The following USP3 variants were observed in gnomAD, a reference collection of about 807,000 sequenced individuals.
USP3 encodes the protein ubiquitin carboxyl-terminal hydrolase 3.
Under a neutral mutation model 72.3 loss-of-function variants are expected in USP3, and 20 were observed. The ratio of observed to expected loss-of-function variants is 0.28; its 90% CI spans 0.19 to 0.40. The LOEUF (loss-of-function observed/expected upper bound fraction) is 0.40, where lower values mean the gene tolerates loss of function less well. Ranked by LOEUF, USP3 falls within the 10% of genes least tolerant of loss-of-function variation. The pLI, the probability that USP3 is intolerant of heterozygous loss-of-function variation, is 1.00. For synonymous variants in USP3, 222 were observed against 225.3 expected (o/e 0.99, Z 0.13); for missense variants, 479 against 633.9 (o/e 0.76, Z 2.62).
At chr15:63,578,654 T>C (rs2066906529) in intron 11 of USP3, among the ~76,000 whole-genome samples, 1 of 151,408 alleles carries the variant, frequency 6.6e-6, no homozygotes, top group Admixed American at 6.6e-5. Flanking sequence ...AAATGTTAAC[T>C]TGATGACAAT....
At chr15:63,521,163 G>C (rs976276540) in intron 1 of USP3, among the ~76,000 whole-genome samples, 2 of 126,814 alleles carry the variant, frequency 1.6e-5, no homozygotes, top group African/African-American at 5.9e-5. Flanking sequence ...TTTTCATTTA[G>C]CTGTATATCC....
In USP3 at chr15:63,547,888, G is replaced by GAGAGAGAGAGAGAGAGGCAT. The variant is rs1555446525; in HGVS notation, c.285-5819_285-5818insAGAGAGAGGCATAGAGAGAG. On this transcript the variant is annotated intron_variant, in intron 3 of 14. Transcript: ENST00000380324. ...GCATAGAGAGAGAGAGAGAGAGAGA[G>GAGAGAGAGAGAGAGAGGCAT]AGAGAGAGGCATAGAGAGAGGCATA... Among the ~76,000 whole-genome samples, 477 of 73,300 alleles carry GAGAGAGAGAGAGAGAGGCAT rather than the reference G, an allele frequency of 6.5e-3. 119 individuals are homozygous for GAGAGAGAGAGAGAGAGGCAT. Among genetic ancestry groups the GAGAGAGAGAGAGAGAGGCAT allele is most frequent in the South Asian group, 0.012 (28 of 2,358 alleles). The allele number at this position is 73,300 out of a possible 152,430, so 48.1% of individuals were successfully genotyped here. A position where few individuals can be genotyped will look rare whatever the true frequency, so the allele number is the denominator to read the frequency against.
intron 11 of USP3, among the ~76,000 whole-genome samples, chr15:63,584,406 G>A (rs999842216): frequency 6.6e-6 from 1 of 152,060 alleles, no homozygotes; most frequent in Non-Finnish European, 1.5e-5. Flanking sequence ...CCGGTACAAA[G>A]GTTTTAATTT....
chr15:63,505,028 G>A (rs866325473), intron 1 of USP3, among the ~76,000 whole-genome samples, 198 bp downstream of exon 1: 5 of 150,626 alleles, frequency 3.3e-5, no homozygotes, highest in African/African-American at 1.2e-4. Context: ...CCCGAGGCCC[G>A]ACGGCCGGGC....
chr15:63,562,206 G>GT (rs138916981), intron 7 of USP3, among the ~76,000 whole-genome samples: 3 of 152,140 alleles, frequency 2.0e-5, no homozygotes, highest in Non-Finnish European at 2.9e-5. Context: ...GACACACTCA[G>GT]TTTTTTATTG....
At chr15:63,513,849 GA>G (rs753741995) in intron 1 of USP3, among the ~76,000 whole-genome samples, 1 of 152,154 alleles carries the variant, frequency 6.6e-6, no homozygotes, top group Non-Finnish European at 1.5e-5. Flanking sequence ...TGACATGTTA[GA>G]AAAATGTTCT....
chr15:63,550,034 G>A lies in USP3; in HGVS notation c.285-3681G>A, dbSNP rs534501269. Among the ~76,000 whole-genome samples, 3 of 152,322 alleles carry A rather than the reference G, an allele frequency of 2.0e-5. No individual in the cohort carries two copies. The South Asian group carries it at 6.2e-4, about 32-fold the overall frequency. On this transcript the variant is annotated intron_variant, in intron 3 of 14. Coordinates refer to ENST00000380324, the MANE Select transcript of USP3 (RefSeq NM_006537.4). ...AACAATTTTTGGGTCTTTTTGAGAC[G>A]TAGTCTAGCTCTTTTGCCAGGCTGG... is the stretch of plus-strand genomic sequence containing the variant.
chr15:63,558,569 T>C (rs2152672109), intron 6 of USP3, among the ~76,000 whole-genome samples: 1 of 147,846 alleles, frequency 6.8e-6, no homozygotes, highest in East Asian at 2.1e-4. Context: ...CCCCCCGCTC[T>C]TTATTAAAAC....
At chr15:63,577,706 C>T (rs1020503075) in intron 11 of USP3, among the ~76,000 whole-genome samples, 1 of 152,124 alleles carries the variant, frequency 6.6e-6, no homozygotes, top group South Asian at 2.1e-4. Flanking sequence ...GAGCTGAAAT[C>T]GTGCAACCGC....
At chr15:63,559,133 T>C (rs1363487487) in intron 6 of USP3, among the ~76,000 whole-genome samples, 2 of 152,170 alleles carry the variant, frequency 1.3e-5, no homozygotes, top group African/African-American at 4.8e-5. Context: ...TATAAATAAC[T>C]CCCAGAAGCT....
chr15:63,548,197 A>C (rs1384337029), intron 3 of USP3, among the ~76,000 whole-genome samples: 2 of 149,138 alleles, frequency 1.3e-5, no homozygotes, highest in Non-Finnish European at 3.0e-5. Context: ...TGATGTGATC[A>C]CAGCTCACTG....
chr15:63,590,631 C>T lies in USP3; in HGVS notation c.1398-30C>T, dbSNP rs1171563975. ...AGGTCTTTTTGTGATTTCTGAGGTT[C>T]TTTTTTCCTTTGGTCTTTTGCCTTT... On this transcript the variant is annotated intron_variant, in intron 14 of 14. Coordinates refer to ENST00000380324, the MANE Select transcript of USP3 (RefSeq NM_006537.4). 4 of 1,508,278 alleles carry T rather than the reference C, an allele frequency of 2.7e-6. No individual in the cohort carries two copies. In the East Asian group the frequency reaches 7.2e-5, roughly 27 times the overall value. 93.4% of individuals were successfully genotyped at this position (1,508,278 alleles called of 1,614,324 possible).
chr15:63,510,334 TTTTC>T (rs780199699), intron 1 of USP3, among the ~76,000 whole-genome samples: 93 of 152,168 alleles, frequency 6.1e-4, no homozygotes, highest in Non-Finnish European at 1.2e-3. Flanking sequence ...TGCTCGTTTT[TTTTC>T]TTTTTGAGCT....
At chr15:63,546,218 C>A (rs958287296) in intron 3 of USP3, among the ~76,000 whole-genome samples, 3 of 152,130 alleles carry the variant, frequency 2.0e-5, no homozygotes, top group African/African-American at 7.2e-5. Flanking sequence ...CTGTCAGTTT[C>A]TCAGTGCCAG....
In USP3 at chr15:63,574,499, T is replaced by G; in HGVS notation, c.1096+96T>G. 1.1e-6 allele frequency: 1 copy of G among 910,002 alleles called. No homozygotes were observed. The highest frequency in any genetic ancestry group is 2.9e-5 in the East Asian group (1 of 33,930). 56.4% of individuals were successfully genotyped at this position (910,002 alleles called of 1,614,324 possible). ...ATGTGGTATCTTTAATTAATATCTTTAATGAATCTGTGTTGTAACTTAACA... is the reference window on the plus strand; with the variant it reads ...ATGTGGTATCTTTAATTAATATCTTGAATGAATCTGTGTTGTAACTTAACA... On this transcript the variant is annotated intron_variant, in intron 11 of 14. Transcript: ENST00000380324. The surrounding 1 kb of genome is among the most constrained non-coding windows in gnomAD (Gnocchi z 4.6).
chr15:63,506,810 A>G (rs2065719244), intron 1 of USP3, among the ~76,000 whole-genome samples: 1 of 152,254 alleles, frequency 6.6e-6, no homozygotes, highest in Admixed American at 6.5e-5. Flanking sequence ...TAGCTTTGCA[A>G]GCCTGGGTCT....
rs144078988 is a variant in USP3, at chr15:63,566,484, T to C, written c.761+3476T>C. Reference sequence around the variant, plus strand: ...CGTGCCACCATACCTGGCTAATTTTTTTGTATTTTTAATAGAGACGGGATT... The same window carrying C: ...CGTGCCACCATACCTGGCTAATTTTCTTGTATTTTTAATAGAGACGGGATT... On this transcript the variant is annotated intron_variant, in intron 8 of 14. Coordinates refer to ENST00000380324, the MANE Select transcript of USP3 (RefSeq NM_006537.4). Among the ~76,000 whole-genome samples the C allele has an allele frequency of 1.1e-3, 168 of 152,192 alleles. 1 individual carries two copies. The highest frequency in any genetic ancestry group is 3.4e-3 in the Middle Eastern group (1 of 294).
chr15:63,520,709 G>A (rs943156503), intron 1 of USP3, among the ~76,000 whole-genome samples: 22 of 151,658 alleles, frequency 1.5e-4, no homozygotes, highest in Admixed American at 1.1e-3. Flanking sequence ...GATTACAGGC[G>A]TGGGCCACCA....
intron 1 of USP3, among the ~76,000 whole-genome samples, chr15:63,523,064 C>A (rs538930184): frequency 1.3e-5 from 2 of 152,102 alleles, no homozygotes; most frequent in Non-Finnish European, 2.9e-5. Flanking sequence ...ACATTAGATA[C>A]GTAAAATTTA....
Sources: gnomAD v4.1 joint callset for allele counts (sites outside exome capture counted in the v4.1 genomes callset) on GRCh38, gnomAD v4.1.1 for gene constraint, Gnocchi (gnomAD v3.1) non-coding constraint, MANE v1.5 for transcripts, NCBI Gene and HGNC (gene_info 2026-07-23, HGNC 2026-07-21) for gene names.